Variants in ELAVL4 observed in about 807,000 individuals in gnomAD.
ELAVL4 encodes ELAV like RNA binding protein 4, also known as ELAV-like protein 4.
Under a neutral mutation model 35.6 loss-of-function variants are expected in ELAVL4, and 1 was observed. The ratio of observed to expected loss-of-function variants is 0.03; its 90% CI spans 0.01 to 0.13. The LOEUF (loss-of-function observed/expected upper bound fraction) is 0.13, where lower values mean the gene tolerates loss of function less well. Ranked by LOEUF, ELAVL4 falls within the 10% of genes least tolerant of loss-of-function variation. ELAVL4 has a pLI of 1.00. For missense variants in ELAVL4, 267 were observed against 464.9 expected, an observed-to-expected ratio of 0.57 and a Z score of 3.91; for synonymous variants, 156 against 171.0, an observed-to-expected ratio of 0.91 and a Z score of 0.69.
chr1:50,179,456 A>C (rs1194821258), intron 3 of ELAVL4: 1 of 152,204 alleles, frequency 6.6e-6, no homozygotes, highest in African/African-American at 2.4e-5. Flanking sequence ...AATCATATTA[A>C]AGGAAAGAAA....
At chr1:50,073,617 CCCTTA>C (rs1664630297) in intron 1 of ELAVL4, among the ~76,000 whole-genome samples, 2 of 151,688 alleles carry the variant, frequency 1.3e-5, no homozygotes, top group Non-Finnish European at 2.9e-5. Flanking sequence ...AAAAAACAAC[CCCTTA>C]CCTTTTAGTG....
chr1:50,156,745 T>C (rs952286752), intron 2 of ELAVL4, among the ~76,000 whole-genome samples: 1 of 152,138 alleles, frequency 6.6e-6, no homozygotes, highest in Non-Finnish European at 1.5e-5. Flanking sequence ...AGCAAGCAAG[T>C]GGCCAAGCCG....
At chr1:50,136,182 G>A (rs1451608650) in intron 1 of ELAVL4, among the ~76,000 whole-genome samples, 1 of 152,078 alleles carries the variant, frequency 6.6e-6, no homozygotes, top group Non-Finnish European at 1.5e-5. Context: ...TATCTTTTAA[G>A]GAGCAAGAAG....
At chr1:50,186,426 G>A (rs1053824871) in intron 3 of ELAVL4, among the ~76,000 whole-genome samples, 1 of 152,156 alleles carries the variant, frequency 6.6e-6, no homozygotes, top group African/African-American at 2.4e-5. Flanking sequence ...CTGGGATCTG[G>A]GATCAGGATG....
At chr1:50,128,880 A>G (rs1388394002) in intron 1 of ELAVL4, among the ~76,000 whole-genome samples, 2 of 152,122 alleles carry the variant, frequency 1.3e-5, no homozygotes, top group Non-Finnish European at 2.9e-5. Flanking sequence ...ATGTCAGTTC[A>G]GATCCAGGCT....
At chr1:50,109,761 T>G (rs537938022) in intron 1 of ELAVL4, 1 of 666,322 alleles carries the variant, frequency 1.5e-6, no homozygotes, top group African/African-American at 1.8e-5. Flanking sequence ...TTTCAAAGAG[T>G]TTCCTGTCAT....
intron 6 of ELAVL4, among the ~76,000 whole-genome samples, chr1:50,199,078 G>C (rs149183787): frequency 2.4e-5 from 3 of 123,894 alleles, no homozygotes; most frequent in African/African-American, 6.1e-5. Context: ...GGATTTGCAC[G>C]TCTAAGGATC....
Position 50,193,829 on chromosome 1 carries a change from C to T in ELAVL4, c.419C>T (p.Pro140Leu), listed in dbSNP as rs1683040604. The T allele has an allele frequency of 5.0e-6, 8 of 1,614,098 alleles. No homozygotes were observed. The highest frequency in any genetic ancestry group is 3.4e-6 in the Non-Finnish European group (4 of 1,179,976). Residue 140 changes from proline (P) to leucine (L), a missense_variant, in exon 4 of 7, where the codon CCC (proline) becomes CTC (leucine). This residue lies in a region of ELAVL4 where 216 missense variants were observed against 409.5 expected (regional missense o/e 0.53). Coordinates refer to ENST00000371824, the MANE Select transcript of ELAVL4 (RefSeq NM_001144774.3). ...RDANLYVSGL[P>L]KTMTQKELEQ... is the part of the protein sequence containing the mutation. Reference sequence around the variant, plus strand: ...GCTAACCTCTATGTTAGCGGCCTTCCCAAAACCATGACCCAGAAGGAACTG... The same window carrying T: ...GCTAACCTCTATGTTAGCGGCCTTCTCAAAACCATGACCCAGAAGGAACTG...
chr1:50,136,946 T>C (rs1478089215), intron 1 of ELAVL4, among the ~76,000 whole-genome samples: 1 of 152,204 alleles, frequency 6.6e-6, no homozygotes, highest in East Asian at 1.9e-4. Context: ...TCCTGTAATG[T>C]AAAGTTGTAA....
chr1:50,133,714 G>T (rs1232177818), intron 1 of ELAVL4, among the ~76,000 whole-genome samples: 3 of 152,088 alleles, frequency 2.0e-5, no homozygotes, highest in Non-Finnish European at 2.9e-5. Context: ...TTTCAAGTGT[G>T]ATAAAGTAAT....
At chr1:50,169,850 C>A (rs1678664891) in intron 2 of ELAVL4, among the ~76,000 whole-genome samples, 1 of 152,230 alleles carries the variant, frequency 6.6e-6, no homozygotes, top group East Asian at 1.9e-4. Flanking sequence ...AAGAAAAATA[C>A]CTGTTATATG....
chr1:50,185,606 A>AAC (rs1357411113), intron 3 of ELAVL4, among the ~76,000 whole-genome samples: 1 of 152,184 alleles, frequency 6.6e-6, no homozygotes, highest in Non-Finnish European at 1.5e-5. Context: ...TGGAAAATGG[A>AAC]ACTAATGATA....
chr1:50,119,050 A>AAG (rs1230643198), intron 1 of ELAVL4, among the ~76,000 whole-genome samples: 1 of 123,762 alleles, frequency 8.1e-6, no homozygotes, highest in Non-Finnish European at 1.7e-5. Flanking sequence ...GAAAGAAAGA[A>AAG]AGAAAGAAAG....
intron 3 of ELAVL4, among the ~76,000 whole-genome samples, chr1:50,189,508 T>C (rs1399675016): frequency 2.0e-5 from 3 of 152,202 alleles, no homozygotes; most frequent in African/African-American, 7.2e-5. Flanking sequence ...TTAGAGGACA[T>C]TCATGTCAGT....
chr1:50,068,287 T>G (rs960622347), intron 1 of ELAVL4, among the ~76,000 whole-genome samples: 1 of 152,154 alleles, frequency 6.6e-6, no homozygotes, highest in Non-Finnish European at 1.5e-5. Flanking sequence ...GATGTCTTCA[T>G]GCAAGAGCAG....
At chr1:50,189,386 A>G (rs1016420687) in intron 3 of ELAVL4, among the ~76,000 whole-genome samples, 22 of 152,232 alleles carry the variant, frequency 1.4e-4, no homozygotes, top group African/African-American at 5.3e-4. Flanking sequence ...GATGAATGAC[A>G]ACGCCTGCTT....
chr1:50,104,342 CA>C (rs576595838), upstream of ELAVL4, among the ~76,000 whole-genome samples: 176 of 152,290 alleles, frequency 1.2e-3, 1 homozygote, highest in African/African-American at 4.1e-3. Flanking sequence ...AAGAAAGTGA[CA>C]TTTTTTAATT....
upstream of ELAVL4, chr1:50,106,203 A>G: frequency 1.0e-6 from 1 of 954,580 alleles, no homozygotes; most frequent in Admixed American, 2.1e-5. Context: ...CGGAGTAGGT[A>G]GTTATTAACG....
intron 2 of ELAVL4, among the ~76,000 whole-genome samples, chr1:50,162,522 C>T (rs1350300542): frequency 6.6e-6 from 1 of 152,020 alleles, no homozygotes; most frequent in Non-Finnish European, 1.5e-5. Flanking sequence ...CTGGAAATAA[C>T]CAAGGACTGG....
Sources: gnomAD v4.1 joint callset for allele counts (sites outside exome capture counted in the v4.1 genomes callset) on GRCh38, gnomAD v4.1.1 for gene constraint, gnomAD v4.1.1 regional missense constraint, MANE v1.5 for transcripts, NCBI Gene and HGNC (gene_info 2026-07-23, HGNC 2026-07-21) for gene names.